Variants in STK32B observed in about 807,000 individuals in gnomAD.
STK32B encodes the protein serine/threonine kinase 32B, also known as serine/threonine-protein kinase 32B.
Under a neutral mutation model 52.6 loss-of-function variants are expected in STK32B, and 43 were observed. The ratio of observed to expected loss-of-function variants is 0.82; its 90% CI spans 0.64 to 1.05. STK32B has a LOEUF of 1.05. Ranked by LOEUF, STK32B falls within the 50% of genes least tolerant of loss-of-function variation. The probability of loss-of-function intolerance (pLI) is 0.00; values close to 1 mark genes in which losing one functional copy is unlikely to be tolerated. For missense variants in STK32B, 621 were observed against 534.6 expected, an observed-to-expected ratio of 1.16 and a Z score of -1.59; for synonymous variants, 238 against 204.3, an observed-to-expected ratio of 1.17 and a Z score of -1.41.
At chr4:5,498,305 C>T (rs556531825) in intron 11 of STK32B, among the ~76,000 whole-genome samples, 88 of 152,296 alleles carry the variant, frequency 5.8e-4, no homozygotes, top group African/African-American at 2.1e-3. Context: ...TGAAAGGTGA[C>T]CAAGTGGCCC....
chr4:5,405,683 C>T (rs2109055996), intron 5 of STK32B, among the ~76,000 whole-genome samples: 1 of 152,180 alleles, frequency 6.6e-6, no homozygotes, highest in African/African-American at 2.4e-5. Context: ...TGGCAGGAGT[C>T]AGGGGAAGTG....
At position 5,405,504 on chromosome 4, in the gene STK32B, A is replaced by G. The variant is rs571969312; in HGVS notation, c.472+7260A>G. Among the ~76,000 whole-genome samples the G allele has an allele frequency of 8.1e-4, 123 of 152,288 alleles. 1 individual carries two copies. Among genetic ancestry groups the G allele is most frequent in the Admixed American group, 3.5e-3 (54 of 15,300 alleles). On this transcript the variant is annotated intron_variant, in intron 5 of 11. Transcript: ENST00000282908. ...TTAGGAGGTGCGGCTGTGTTAGTCC[A>G]TTCTCACACTGCTGTGAAGAACTAC... is the stretch of plus-strand genomic sequence containing the variant.
chr4:5,471,095 T>C (rs1717820513), intron 11 of STK32B, among the ~76,000 whole-genome samples: 1 of 152,166 alleles, frequency 6.6e-6, no homozygotes, highest in Non-Finnish European at 1.5e-5. Context: ...CAAAGATAAA[T>C]CACACATCAC....
At chr4:5,235,679 G>T (rs923944418) in intron 3 of STK32B, among the ~76,000 whole-genome samples, 2 of 152,210 alleles carry the variant, frequency 1.3e-5, no homozygotes, top group African/African-American at 4.8e-5. Context: ...TGGAATGGAG[G>T]CTGCTCAGAA....
rs138002822 is a variant in STK32B at position 5,438,125 on chromosome 4, G to C, written c.563-8548G>C. ...GCACACACAGCCATTCTGCACTGCT[G>C]GGTGCACCCTGCGCTATTGGAGCTT... On this transcript the variant is annotated intron_variant, in intron 6 of 11. Coordinates refer to ENST00000282908, the MANE Select transcript of STK32B (RefSeq NM_018401.3). The C allele has an allele frequency of 2.0e-4, 198 of 985,454 alleles. 2 individuals are homozygous for C. The East Asian group carries it at 0.017, about 86-fold the overall frequency. The allele number at this position is 985,454 out of a possible 1,614,324, so 61.0% of individuals were successfully genotyped here. A position where few individuals can be genotyped will look rare whatever the true frequency, so the allele number is the denominator to read the frequency against.
At chr4:5,262,681 G>A (rs1040812816) in intron 3 of STK32B, among the ~76,000 whole-genome samples, 1 of 151,028 alleles carries the variant, frequency 6.6e-6, no homozygotes, top group Non-Finnish European at 1.5e-5. Context: ...CACAATATAT[G>A]GTTAAGTATT....
At chr4:5,081,140 G>GT (rs147713239) in intron 1 of STK32B, among the ~76,000 whole-genome samples, 5,475 of 152,064 alleles carry the variant, frequency 0.036, 129 homozygotes, top group Middle Eastern at 0.054. Context: ...CCTTCTTTTT[G>GT]TTTTTTAAAG....
intron 11 of STK32B, among the ~76,000 whole-genome samples, chr4:5,487,096 A>G (rs1719286354): frequency 6.6e-6 from 1 of 152,178 alleles, no homozygotes; most frequent in South Asian, 2.1e-4. Flanking sequence ...TTGTTGATCA[A>G]CCATGCTGTA....
chr4:5,494,402 G>C (rs560325818), intron 11 of STK32B, among the ~76,000 whole-genome samples: 3 of 151,258 alleles, frequency 2.0e-5, no homozygotes, highest in Admixed American at 1.3e-4. Flanking sequence ...TGCAACCCCT[G>C]CCTTTTTTTG....
At chr4:5,471,899 A>G (rs996578453) in intron 11 of STK32B, among the ~76,000 whole-genome samples, 1 of 152,184 alleles carries the variant, frequency 6.6e-6, no homozygotes, top group African/African-American at 2.4e-5. Context: ...GATTCCTGCT[A>G]TACATGGTTT....
intron 3 of STK32B, among the ~76,000 whole-genome samples, chr4:5,300,233 C>T (rs1336318518): frequency 6.6e-6 from 1 of 152,160 alleles, no homozygotes; most frequent in African/African-American, 2.4e-5. Context: ...ATTCAACATC[C>T]CTTCATGATA....
intron 1 of STK32B, among the ~76,000 whole-genome samples, chr4:5,131,002 T>G (rs914945294): frequency 3.3e-5 from 5 of 152,222 alleles, no homozygotes; most frequent in African/African-American, 1.2e-4. Flanking sequence ...TCCCTGACCT[T>G]GTGCCTGACT....
At chr4:5,441,549 A>C (rs1428398970) in intron 6 of STK32B, among the ~76,000 whole-genome samples, 1 of 151,580 alleles carries the variant, frequency 6.6e-6, no homozygotes. Context: ...CCTTTCAAAA[A>C]ACCAGCTCCT....
At chr4:5,068,784 GACT>G (rs1465615552) in intron 1 of STK32B, among the ~76,000 whole-genome samples, 6 of 152,130 alleles carry the variant, frequency 3.9e-5, no homozygotes, top group African/African-American at 1.4e-4. Context: ...GCCAGATTGT[GACT>G]ACTATAAATA....
intron 3 of STK32B, among the ~76,000 whole-genome samples, chr4:5,185,974 C>T (rs375370934): frequency 2.3e-4 from 35 of 152,194 alleles, no homozygotes; most frequent in African/African-American, 7.2e-4. Flanking sequence ...CTCTCCAGGC[C>T]TCTGCTCAGG....
At chr4:5,158,284 A>AG (rs1199801718) in intron 2 of STK32B, among the ~76,000 whole-genome samples, 5 of 152,036 alleles carry the variant, frequency 3.3e-5, no homozygotes, top group African/African-American at 1.2e-4. Context: ...GAGGGCACCA[A>AG]GGGGGCCAGT....
intron 1 of STK32B, among the ~76,000 whole-genome samples, chr4:5,083,605 C>T (rs944517928): frequency 2.6e-5 from 4 of 152,114 alleles, no homozygotes; most frequent in Admixed American, 2.0e-4. Flanking sequence ...CTATTAAAGG[C>T]TAGAATTATT....
At chr4:5,146,655 C>T (rs1716940004) in intron 2 of STK32B, among the ~76,000 whole-genome samples, 2 of 152,194 alleles carry the variant, frequency 1.3e-5, no homozygotes, top group African/African-American at 4.8e-5. Context: ...CAATACTTTG[C>T]ATCCTTCAAT....
At chr4:5,286,657 A>G (rs999631066) in intron 3 of STK32B, among the ~76,000 whole-genome samples, 5 of 152,122 alleles carry the variant, frequency 3.3e-5, no homozygotes, top group African/African-American at 1.2e-4. Context: ...ATTATAGCAC[A>G]ATTTATTTAT....
Sources: allele counts gnomAD v4.1 joint callset (sites outside exome capture counted in the v4.1 genomes callset), GRCh38; gene constraint gnomAD v4.1.1; transcripts MANE v1.5; gene names NCBI Gene and HGNC (gene_info 2026-07-23, HGNC 2026-07-21).